The following TENM2 variants were observed in gnomAD, a reference collection of about 807,000 sequenced individuals.
TENM2 encodes teneurin transmembrane protein 2, also known as teneurin-2.
Under a neutral mutation model 245.2 loss-of-function variants are expected in TENM2, and 52 were observed. The observed-to-expected ratio is 0.21, with a 90% confidence interval of 0.17 to 0.27. The LOEUF (loss-of-function observed/expected upper bound fraction) is 0.27. Ranked by LOEUF, TENM2 falls within the 10% of genes least tolerant of loss-of-function variation. The pLI, the probability that TENM2 is intolerant of heterozygous loss-of-function variation, is 1.00. For synonymous variants in TENM2, 1,363 were observed against 1,438.9 expected (o/e 0.95, Z 1.19); for missense variants, 3,046 against 3,666.8 (o/e 0.83, Z 4.37).
At chr5:167,133,954 A>G in the TENM2 span, among the ~76,000 whole-genome samples, 2 of 152,232 alleles carry the variant, frequency 1.3e-5, no homozygotes, top group African/African-American at 2.4e-5. Flanking sequence ...TAAATTTGAC[A>G]TCTACTTCAG....
intron 2 of TENM2, among the ~76,000 whole-genome samples, chr5:167,647,529 A>G (rs1780042015): frequency 6.6e-6 from 1 of 152,080 alleles, no homozygotes; most frequent in Non-Finnish European, 1.5e-5. Flanking sequence ...AGGCTGAGGC[A>G]GGAGAATCAC....
At chr5:168,019,476 C>T (rs939702381) in intron 5 of TENM2, among the ~76,000 whole-genome samples, 1 of 152,100 alleles carries the variant, frequency 6.6e-6, no homozygotes, top group Non-Finnish European at 1.5e-5. Context: ...ATGAGGGAGA[C>T]ATCATAGAGG....
the TENM2 span, among the ~76,000 whole-genome samples, chr5:167,147,055 T>C: frequency 1.3e-5 from 2 of 152,192 alleles, no homozygotes; most frequent in African/African-American, 4.8e-5. Context: ...AGTACAAATA[T>C]AGAGCATATT....
chr5:167,479,300 G>A (rs999454688), intron 2 of TENM2, among the ~76,000 whole-genome samples: 3 of 152,062 alleles, frequency 2.0e-5, no homozygotes, highest in African/African-American at 7.2e-5. Context: ...CAAAACAGGG[G>A]AAATTCCTTC....
chr5:168,025,457 G>T (rs1317575672), intron 5 of TENM2, among the ~76,000 whole-genome samples: 2 of 152,096 alleles, frequency 1.3e-5, no homozygotes, highest in African/African-American at 4.8e-5. Context: ...TTGGGTAATT[G>T]TTCTCTGTTG....
chr5:167,750,065 A>T (rs1761857529), intron 2 of TENM2, among the ~76,000 whole-genome samples: 1 of 152,110 alleles, frequency 6.6e-6, no homozygotes, highest in Non-Finnish European at 1.5e-5. Context: ...TACCGGGGTG[A>T]ACTGCAGGAA....
At chr5:168,199,838 G>T in intron 16 of TENM2, 26 bp from the exon 19 acceptor site, 2 of 1,607,770 alleles carry the variant, frequency 1.2e-6, no homozygotes, top group Non-Finnish European at 1.7e-6. Flanking sequence ...TTTTAGGTGT[G>T]TGTCTGCCAT....
chr5:168,104,067 C>T (rs1794049096), intron 9 of TENM2, among the ~76,000 whole-genome samples: 1 of 152,114 alleles, frequency 6.6e-6, no homozygotes, highest in South Asian at 2.1e-4. Flanking sequence ...TTTGCTCTGT[C>T]ACCCAGGCTG....
chr5:167,506,551 TA>T (rs1176282204), intron 2 of TENM2, among the ~76,000 whole-genome samples: 3 of 152,206 alleles, frequency 2.0e-5, no homozygotes, highest in African/African-American at 7.2e-5. Flanking sequence ...TATTTAAAGA[TA>T]TTTTTAATAA....
At chr5:167,942,294 C>T (rs976296024) in intron 3 of TENM2, among the ~76,000 whole-genome samples, 1 of 152,182 alleles carries the variant, frequency 6.6e-6, no homozygotes, top group African/African-American at 2.4e-5. Flanking sequence ...ATGTGTGATG[C>T]ATTTTCTGAG....
At chr5:167,528,737 C>T (rs190505526) in intron 2 of TENM2, among the ~76,000 whole-genome samples, 4 of 152,104 alleles carry the variant, frequency 2.6e-5, no homozygotes, top group African/African-American at 9.7e-5. Context: ...AGCTGCTCAG[C>T]GACTGATATT....
the TENM2 span, among the ~76,000 whole-genome samples, chr5:167,023,139 A>G: frequency 1.6e-3 from 247 of 152,268 alleles, 2 homozygotes; most frequent in African/African-American, 5.7e-3. Flanking sequence ...GCAACTGACA[A>G]ATGAAGAATA....
chr5:168,234,146 A>G (rs1019768153), intron 25 of TENM2, among the ~76,000 whole-genome samples: 2 of 151,592 alleles, frequency 1.3e-5, no homozygotes, highest in African/African-American at 4.8e-5. Flanking sequence ...TCCTCTTCAC[A>G]TTGCGGGGGT....
intron 2 of TENM2, among the ~76,000 whole-genome samples, chr5:167,813,871 A>G (rs1303933464): frequency 6.6e-6 from 1 of 152,152 alleles, no homozygotes; most frequent in African/African-American, 2.4e-5. Context: ...ACATATTACA[A>G]TGCAGGAAGG....
At chr5:167,768,428 G>A (rs1478598125) in intron 2 of TENM2, among the ~76,000 whole-genome samples, 2 of 152,134 alleles carry the variant, frequency 1.3e-5, no homozygotes, top group Non-Finnish European at 2.9e-5. Flanking sequence ...TTAGGAAAAC[G>A]TTTGTTATGT....
At chr5:167,754,308 T>C (rs553721172) in intron 2 of TENM2, among the ~76,000 whole-genome samples, 81 of 152,164 alleles carry the variant, frequency 5.3e-4, no homozygotes, top group Non-Finnish European at 1.1e-3. Context: ...CTTTCAAACT[T>C]GATCAGATCT....
At chr5:167,552,343 GT>G (rs1483719899) in intron 2 of TENM2, among the ~76,000 whole-genome samples, 1 of 152,124 alleles carries the variant, frequency 6.6e-6, no homozygotes, top group African/African-American at 2.4e-5. Context: ...GTCATCATTT[GT>G]TTTTTATTTA....
chr5:167,999,511 C>G (rs1489194303), intron 5 of TENM2, among the ~76,000 whole-genome samples: 4 of 152,214 alleles, frequency 2.6e-5, no homozygotes, highest in Non-Finnish European at 5.9e-5. Flanking sequence ...GAGGGCCTGT[C>G]AATTTATGGG....
intron 5 of TENM2, among the ~76,000 whole-genome samples, chr5:168,026,594 G>A (rs1298260714): frequency 6.6e-6 from 1 of 152,166 alleles, no homozygotes; most frequent in East Asian, 1.9e-4. Flanking sequence ...ACAGGCTCTA[G>A]AATACAGGCT....
Sources: allele counts gnomAD v4.1 joint callset (sites outside exome capture counted in the v4.1 genomes callset), GRCh38; gene constraint gnomAD v4.1.1; transcripts MANE v1.5; gene names NCBI Gene and HGNC (gene_info 2026-07-23, HGNC 2026-07-21).